Variants in MTA3 observed in about 807,000 individuals in gnomAD.
The protein encoded by MTA3 is metastasis associated 1 family member 3, also known as metastasis-associated protein MTA3.
A neutral mutation model predicts 83.5 loss-of-function variants in MTA3; 34 were observed. That is an observed-to-expected ratio of 0.41 (90% CI 0.31 to 0.54). The LOEUF is 0.54. Ranked by LOEUF, MTA3 falls within the 20% of genes least tolerant of loss-of-function variation. The pLI is 0.33. For synonymous variants in MTA3, 303 were observed against 252.7 expected, an observed-to-expected ratio of 1.20 and a Z score of -1.89; for missense variants, 761 against 726.4, an observed-to-expected ratio of 1.05 and a Z score of -0.55.
chr2:42,696,355 A>G (rs568365168), intron 10 of MTA3, among the ~76,000 whole-genome samples: 1 of 152,300 alleles, frequency 6.6e-6, no homozygotes, highest in Non-Finnish European at 1.5e-5. Context: ...TCTTAAATGT[A>G]ATTTTTGAGT....
rs773889459 is a variant in MTA3 at position 42,610,982 on chromosome 2, C to CTT, written c.317+1414_317+1415dup. Among the ~76,000 whole-genome samples the CTT allele has an allele frequency of 9.0e-3, 1,222 of 135,974 alleles. 22 individuals carry two copies. Among genetic ancestry groups the CTT allele is most frequent in the African/African-American group, 0.031 (1,156 of 36,882 alleles). The allele number at this position is 135,974 out of a possible 152,430, so 89.2% of individuals were successfully genotyped here. On this transcript the variant is annotated intron_variant, in intron 4 of 16. Coordinates refer to ENST00000405094, the MANE Select transcript of MTA3 (RefSeq NM_001330442.2). ...TAAAATGCATTATTTCTTTTCTTTT[C>CTT]TTTTTTTTTTTTTTTTTGAGACGGA...
intron 2 of MTA3, among the ~76,000 whole-genome samples, chr2:42,510,651 A>G (rs1056580671): frequency 2.6e-5 from 4 of 152,200 alleles, no homozygotes; most frequent in Admixed American, 2.0e-4. Context: ...TATAGAAAAT[A>G]TGGGGAAAAA....
chr2:42,504,080 C>T (rs1314824920), intron 2 of MTA3, among the ~76,000 whole-genome samples: 4 of 151,126 alleles, frequency 2.6e-5, no homozygotes, highest in African/African-American at 7.3e-5. Context: ...GCTGTCACCA[C>T]GCCCAGCCCA....
upstream of MTA3, among the ~76,000 whole-genome samples, chr2:42,564,016 C>T (rs796880708): frequency 3.3e-5 from 5 of 151,266 alleles, no homozygotes; most frequent in Admixed American, 1.3e-4. Context: ...GTAGAGATGG[C>T]GTTTCACTAT....
In MTA3 at chr2:42,599,303, G is replaced by A. The variant is rs187613287; in HGVS notation, c.191-10155G>A. Among the ~76,000 whole-genome samples the A allele has an allele frequency of 1.8e-3, 273 of 152,248 alleles. 1 individual carries two copies. Among genetic ancestry groups the A allele is most frequent in the Non-Finnish European group, 2.3e-3 (156 of 68,022 alleles). On this transcript the variant is annotated intron_variant, in intron 3 of 16. Transcript: ENST00000405094. Reference sequence around the variant, plus strand: ...CAAACTTGCTTTACATTTAATAGTAGTGGTACCGGGCGCGGCGGCTTATGC... The same window carrying A: ...CAAACTTGCTTTACATTTAATAGTAATGGTACCGGGCGCGGCGGCTTATGC...
intron 9 of MTA3, among the ~76,000 whole-genome samples, chr2:42,695,310 T>A (rs865906501): frequency 1.1e-4 from 17 of 151,910 alleles, no homozygotes; most frequent in African/African-American, 3.9e-4. Context: ...ATCTTCCATG[T>A]GGATATTTGC....
At chr2:42,728,344 T>C (rs940795370) in intron 16 of MTA3, among the ~76,000 whole-genome samples, 1 of 152,258 alleles carries the variant, frequency 6.6e-6, no homozygotes, top group Non-Finnish European at 1.5e-5. Flanking sequence ...TGTCTGTTGA[T>C]GGACACTTAG....
Position 42,633,198 on chromosome 2 carries a change from G to T in MTA3, c.318-6975G>T, listed in dbSNP as rs141453219. Among the ~76,000 whole-genome samples the T allele has an allele frequency of 5.2e-3, 797 of 151,978 alleles. 3 individuals are homozygous for T. Among genetic ancestry groups the T allele is most frequent in the African/African-American group, 0.017 (716 of 41,456 alleles). On this transcript the variant is annotated intron_variant, in intron 4 of 16. Coordinates refer to ENST00000405094, the MANE Select transcript of MTA3 (RefSeq NM_001330442.2). ...GAATCGTTTGAACCTGGAAGGCAGA[G>T]GTTGCAGTGAGCCGAGGTTGCAGTG...
chr2:42,748,449 G>A (rs115131282), intron 16 of MTA3, among the ~76,000 whole-genome samples: 2,243 of 152,242 alleles, frequency 0.015, 62 homozygotes, highest in African/African-American at 0.051. Flanking sequence ...CTATCATCAA[G>A]TTCGCTGATT....
intron 12 of MTA3, among the ~76,000 whole-genome samples, chr2:42,705,755 C>T (rs1021951197): frequency 7.2e-5 from 11 of 152,044 alleles, no homozygotes; most frequent in Admixed American, 2.0e-4. Context: ...TTCACACTCA[C>T]GTATATCCCC....
upstream of MTA3, among the ~76,000 whole-genome samples, chr2:42,563,776 A>ATTCATTCCTTCCTTCCTTCCTTCC (rs1176581774): frequency 8.7e-6 from 1 of 114,378 alleles, no homozygotes; most frequent in Non-Finnish European, 1.8e-5. Context: ...TGGACCAAAC[A>ATTCATTCCTTCCTTCCTTCCTTCC]TTCCTTCCTT....
At position 42,745,800 on chromosome 2, in the gene MTA3, T is replaced by C. The variant is rs2104593027; in HGVS notation, c.1760-7574T>C. Among the ~76,000 whole-genome samples, 2 of 145,934 alleles carry C rather than the reference T, an allele frequency of 1.4e-5. 1 individual carries two copies. Among genetic ancestry groups the C allele is most frequent in the South Asian group, 4.5e-4 (2 of 4,454 alleles). Reference sequence around the variant, plus strand: ...ATTGGGTATATTTGTATTTAGGATTTTTATGTCCTTTTGAAATAGTCCTCT... The same window carrying C: ...ATTGGGTATATTTGTATTTAGGATTCTTATGTCCTTTTGAAATAGTCCTCT... On this transcript the variant is annotated intron_variant, in intron 16 of 16. Coordinates refer to ENST00000405094, the MANE Select transcript of MTA3 (RefSeq NM_001330442.2).
At chr2:42,682,808 C>G in intron 9 of MTA3, 1 of 468,182 alleles carries the variant, frequency 2.1e-6, no homozygotes, top group Non-Finnish European at 3.8e-6. Flanking sequence ...TACGGTGGCT[C>G]ACGTCTGTAA....
chr2:42,583,674 G>A (rs187976788), intron 3 of MTA3, among the ~76,000 whole-genome samples: 19 of 151,956 alleles, frequency 1.3e-4, no homozygotes, highest in African/African-American at 3.4e-4. Flanking sequence ...GAGTACACGC[G>A]CATGCCACCA....
chr2:42,623,799 TC>T (rs1403431611), intron 4 of MTA3, among the ~76,000 whole-genome samples: 1 of 151,828 alleles, frequency 6.6e-6, no homozygotes, highest in African/African-American at 2.4e-5. Context: ...CAAGCCATTG[TC>T]CTGGCTCAGC....
chr2:42,666,413 A>ATTT (rs1558560998), intron 8 of MTA3, among the ~76,000 whole-genome samples: 7 of 152,138 alleles, frequency 4.6e-5, no homozygotes, highest in African/African-American at 1.7e-4. Context: ...AAAACTATTG[A>ATTT]GTTTTGCCTG....
At chr2:42,749,605 T>TACAGG (rs1669711676) in intron 16 of MTA3, among the ~76,000 whole-genome samples, 1 of 151,936 alleles carries the variant, frequency 6.6e-6, no homozygotes, top group Non-Finnish European at 1.5e-5. Context: ...GTAGCTGGAA[T>TACAGG]TTCGGGTGGC....
chr2:42,497,871 G>A (rs1387338036), intron 2 of MTA3, among the ~76,000 whole-genome samples: 1 of 152,088 alleles, frequency 6.6e-6, no homozygotes, highest in African/African-American at 2.4e-5. Context: ...CTCATTCCTG[G>A]GTTCTAAATA....
chr2:42,709,930 C>T (rs925753344), intron 14 of MTA3, among the ~76,000 whole-genome samples: 4 of 152,060 alleles, frequency 2.6e-5, no homozygotes, highest in Admixed American at 6.5e-5. Flanking sequence ...AATTGTGGAT[C>T]GTTTTGTCAT....
Sources: gnomAD v4.1 joint callset for allele counts (sites outside exome capture counted in the v4.1 genomes callset) on GRCh38, gnomAD v4.1.1 for gene constraint, MANE v1.5 for transcripts, NCBI Gene and HGNC (gene_info 2026-07-23, HGNC 2026-07-21) for gene names.